Variants in FSIP1 observed in about 807,000 individuals in gnomAD.
FSIP1 encodes the protein fibrous sheath-interacting protein 1.
FSIP1 carries 65 observed loss-of-function variants against 60.9 expected under a neutral mutation model. The observed-to-expected ratio is 1.07, with a 90% CI of 0.87 to 1.31. FSIP1 has a LOEUF of 1.31. Ranked by LOEUF, FSIP1 falls within the 40% of genes most tolerant of loss-of-function variation. The pLI is 0.00. For synonymous variants in FSIP1, 209 were observed against 221.2 expected (o/e 0.94, Z 0.49); for missense variants, 675 against 665.5 (o/e 1.01, Z -0.16).
intron 2 of FSIP1, 90 bp downstream of exon 2, chr15:39,776,309 T>C (rs1898062225): frequency 7.8e-7 from 1 of 1,285,740 alleles, no homozygotes; most frequent in South Asian, 1.4e-5. Flanking sequence ...AAGGAGAAAA[T>C]TTAAAATGGG....
At chr15:39,684,934 C>T (rs1894305026) in intron 10 of FSIP1, among the ~76,000 whole-genome samples, 1 of 152,170 alleles carries the variant, frequency 6.6e-6, no homozygotes, top group Non-Finnish European at 1.5e-5. Flanking sequence ...CACAGCTAGT[C>T]CAGGGCAGAG....
At chr15:39,754,850 C>T (rs2140680090) in intron 5 of FSIP1, among the ~76,000 whole-genome samples, 1 of 152,056 alleles carries the variant, frequency 6.6e-6, no homozygotes, top group East Asian at 1.9e-4. Context: ...ATGTCAAGTA[C>T]AATCAAAACT....
At position 39,741,886 on chromosome 15, in the gene FSIP1, C is replaced by G. The variant is rs1239508191; in HGVS notation, c.574G>C (p.Glu192Gln). Residue 192 changes from glutamate to glutamine, a missense_variant, in exon 6 of 12, where the codon GAG becomes CAG. Coordinates refer to ENST00000350221, the MANE Select transcript of FSIP1 (RefSeq NM_152597.5). ...AACACTGAGGAAAAGGTGTCTTCCT[C>G]CTCATGAGAAGGACCTGTTGATTTA... ...SEETVGPSHE[E>Q]EDTFSSVFHT... 6.3e-7 allele frequency: 1 copy of G among 1,587,634 alleles called. No individual in the cohort carries two copies. The highest frequency in any genetic ancestry group is 8.6e-7 in the Non-Finnish European group (1 of 1,156,636).
At chr15:39,670,284 C>T (rs16969537) in intron 10 of FSIP1, among the ~76,000 whole-genome samples, 3,028 of 152,262 alleles carry the variant, frequency 0.02, 78 homozygotes, top group African/African-American at 0.069. Flanking sequence ...CAGTCAATGT[C>T]TGGGTAGGCA....
intron 10 of FSIP1, among the ~76,000 whole-genome samples, chr15:39,656,834 A>G (rs1267709480): frequency 2.6e-5 from 4 of 152,234 alleles, no homozygotes; most frequent in African/African-American, 4.8e-5. Flanking sequence ...ACAATCATTT[A>G]TTCTTAACTA....
At chr15:39,624,982 T>C (rs1891579594) in intron 10 of FSIP1, among the ~76,000 whole-genome samples, 1 of 152,120 alleles carries the variant, frequency 6.6e-6, no homozygotes, top group Admixed American at 6.5e-5. Context: ...GAGTGTGAAG[T>C]AGGTCACGGC....
intron 11 of FSIP1, among the ~76,000 whole-genome samples, chr15:39,614,805 C>G (rs1595532995): frequency 1.3e-5 from 2 of 152,182 alleles, no homozygotes; most frequent in African/African-American, 4.8e-5. Context: ...ATCCTTAAAT[C>G]TGTATGGAAC....
chr15:39,656,748 T>A (rs558166336), intron 10 of FSIP1, among the ~76,000 whole-genome samples: 1 of 152,336 alleles, frequency 6.6e-6, no homozygotes, highest in East Asian at 1.9e-4. Flanking sequence ...CTAAAGTAAG[T>A]GACATTTTTT....
intron 9 of FSIP1, among the ~76,000 whole-genome samples, chr15:39,716,197 T>TAAC (rs1895732028): frequency 6.8e-6 from 1 of 147,780 alleles, no homozygotes; most frequent in African/African-American, 2.7e-5. Flanking sequence ...TTTTATAAAC[T>TAAC]TTCATGAAGA....
At position 39,605,125 on chromosome 15, in the gene FSIP1, T is replaced by C. The variant is rs79247209; in HGVS notation, c.1700-4199A>G. On this transcript the variant is annotated intron_variant, in intron 11 of 11. Coordinates refer to ENST00000350221, the MANE Select transcript of FSIP1 (RefSeq NM_152597.5). ...CCTCAAGTATATTCAGATTATATAG[T>C]CGTCATTATTAGTAGAACTTTTTTT... 9.3e-3 allele frequency among the ~76,000 whole-genome samples: 1,422 copies of C among 152,334 alleles called. 55 individuals are homozygous for C. Among genetic ancestry groups the C allele is most frequent in the East Asian group, 0.013 (70 of 5,190 alleles).
At chr15:39,692,877 A>AG (rs1894659847) in intron 10 of FSIP1, among the ~76,000 whole-genome samples, 1 of 152,232 alleles carries the variant, frequency 6.6e-6, no homozygotes, top group Non-Finnish European at 1.5e-5. Flanking sequence ...AGGGGAGTGG[A>AG]GCCCTCTCCA....
At position 39,617,867 on chromosome 15, in the gene FSIP1, T is replaced by C. The variant is rs767383065; in HGVS notation, c.1567A>G (p.Met523Val). The C allele has an allele frequency of 5.6e-6, 9 of 1,614,024 alleles. No individual in the cohort carries two copies. The highest frequency in any genetic ancestry group is 1.3e-5 in the African/African-American group (1 of 74,936). The part of the protein sequence containing the change: ...VIISDTKDYF[M>V]SKTLGIGRLK... ...CTCCCAATGCCAAGAGTCTTCGACATAAAATAGTCTTTTGTGTCACTAATA... is the reference window on the plus strand; with the variant it reads ...CTCCCAATGCCAAGAGTCTTCGACACAAAATAGTCTTTTGTGTCACTAATA... The change falls in exon 11 of 12, where the codon ATG becomes GTG. Residue 523 changes from methionine to valine, a missense_variant. By Grantham distance (21) the Met-to-Val change is conservative. Transcript: ENST00000350221.
chr15:39,679,407 T>C (rs1894071997), intron 10 of FSIP1, among the ~76,000 whole-genome samples: 1 of 152,196 alleles, frequency 6.6e-6, no homozygotes, highest in Non-Finnish European at 1.5e-5. Flanking sequence ...GCTCAGCTAC[T>C]ATTCAGCCGA....
intron 10 of FSIP1, among the ~76,000 whole-genome samples, chr15:39,680,512 A>G (rs1425687856): frequency 6.6e-6 from 1 of 152,224 alleles, no homozygotes; most frequent in Non-Finnish European, 1.5e-5. Context: ...GTGAGTATAC[A>G]TATTACGCAC....
At chr15:39,618,300 T>C in intron 10 of FSIP1, 55 bp from the exon 11 acceptor site, 1 of 1,410,080 alleles carries the variant, frequency 7.1e-7, no homozygotes, top group Non-Finnish European at 9.7e-7. Context: ...AACACATTTA[T>C]TTTTGGTAGG....
chr15:39,663,871 A>G (rs1893395414), intron 10 of FSIP1, among the ~76,000 whole-genome samples: 1 of 152,256 alleles, frequency 6.6e-6, no homozygotes, highest in Non-Finnish European at 1.5e-5. Flanking sequence ...CGGCAAGAAA[A>G]GAATTTCATG....
downstream of FSIP1, chr15:39,598,861 C>T (rs868805198): frequency 2.0e-5 from 3 of 151,984 alleles, no homozygotes; most frequent in African/African-American, 4.8e-5. Context: ...GAAAAGCCTC[C>T]AGTATTAAGC....
At chr15:39,629,131 C>T (rs901032453) in intron 10 of FSIP1, among the ~76,000 whole-genome samples, 2 of 152,204 alleles carry the variant, frequency 1.3e-5, no homozygotes, top group South Asian at 4.2e-4. Flanking sequence ...AGGAATGGAG[C>T]TTTATGGACG....
intron 5 of FSIP1, among the ~76,000 whole-genome samples, chr15:39,743,820 T>C (rs767585279): frequency 2.0e-4 from 30 of 152,190 alleles, no homozygotes; most frequent in Admixed American, 3.9e-4. Context: ...GTGGGATTCC[T>C]GCCAAAAACT....
Sources: gnomAD v4.1 joint callset for allele counts (sites outside exome capture counted in the v4.1 genomes callset) on GRCh38, gnomAD v4.1.1 for gene constraint, MANE v1.5 for transcripts, NCBI Gene and HGNC (gene_info 2026-07-23, HGNC 2026-07-21) for gene names.